Variants in OCA2 observed in about 807,000 individuals in gnomAD.
OCA2 encodes the protein OCA2 melanosomal transmembrane protein, also known as P protein.
A neutral mutation model predicts 100.2 loss-of-function variants in OCA2; 77 were observed. That is an observed-to-expected ratio of 0.77 (90% CI 0.64 to 0.93). The LOEUF (loss-of-function observed/expected upper bound fraction) is 0.93, where lower values mean the gene tolerates loss of function less well. Ranked by LOEUF, OCA2 falls within the 40% of genes least tolerant of loss-of-function variation. The probability of loss-of-function intolerance (pLI) is 0.00; values close to 1 mark genes in which losing one functional copy is unlikely to be tolerated. For synonymous variants in OCA2, 432 were observed against 439.2 expected (o/e 0.98, Z 0.21); for missense variants, 1,062 against 1,089.1 (o/e 0.98, Z 0.35).
the OCA2 span, among the ~76,000 whole-genome samples, chr15:27,739,422 A>G: frequency 6.8e-6 from 1 of 147,818 alleles, no homozygotes; most frequent in African/African-American, 2.5e-5. Flanking sequence ...TACCAATGAT[A>G]ATATTAATAA....
At chr15:27,896,335 A>G (rs1200437973) in intron 19 of OCA2, 1 of 806,806 alleles carries the variant, frequency 1.2e-6, no homozygotes, top group East Asian at 2.4e-5. Flanking sequence ...ATGGAGGAAG[A>G]TGAAGATGCT....
At chr15:27,931,026 T>G (rs538598324) in intron 18 of OCA2, among the ~76,000 whole-genome samples, 1 of 152,298 alleles carries the variant, frequency 6.6e-6, no homozygotes, top group Non-Finnish European at 1.5e-5. Flanking sequence ...ACTTTCATTA[T>G]AAGCACTACA....
the OCA2 span, among the ~76,000 whole-genome samples, chr15:27,720,893 CAAAG>C: frequency 2.0e-5 from 3 of 152,092 alleles, no homozygotes; most frequent in Non-Finnish European, 4.4e-5. Flanking sequence ...ATTTACTTCC[CAAAG>C]AAAGGAGCAT....
At chr15:27,950,018 G>A (rs2039978474) in intron 18 of OCA2, among the ~76,000 whole-genome samples, 1 of 152,124 alleles carries the variant, frequency 6.6e-6, no homozygotes, top group African/African-American at 2.4e-5. Flanking sequence ...AAAAGGAGAT[G>A]AGACATTTTG....
chr15:27,740,787 G>A, the OCA2 span, among the ~76,000 whole-genome samples: 12 of 152,240 alleles, frequency 7.9e-5, no homozygotes, highest in East Asian at 5.8e-4. Context: ...AGGCTGGGTC[G>A]GCCGAGCCCA....
intron 2 of OCA2, among the ~76,000 whole-genome samples, chr15:28,054,434 G>A (rs765800424): frequency 2.0e-5 from 3 of 152,136 alleles, no homozygotes; most frequent in African/African-American, 4.8e-5. Context: ...TGGCCAAGAG[G>A]AGCCCCACCT....
the OCA2 span, among the ~76,000 whole-genome samples, chr15:27,730,934 T>A: frequency 2.6e-4 from 39 of 152,004 alleles, 1 homozygote; most frequent in African/African-American, 8.9e-4. Context: ...GATCAACTAA[T>A]TCTAAAGCCT....
chr15:27,910,510 A>C (rs2038348541), intron 19 of OCA2, among the ~76,000 whole-genome samples: 1 of 152,210 alleles, frequency 6.6e-6, no homozygotes, highest in South Asian at 2.1e-4. Context: ...AGAATTGGGA[A>C]GATTTCTGTG....
chr15:27,850,510 C>A (rs1441829324), intron 22 of OCA2, among the ~76,000 whole-genome samples: 1 of 151,980 alleles, frequency 6.6e-6, no homozygotes, highest in Non-Finnish European at 1.5e-5. Context: ...GCAATTTCAG[C>A]ACTCAATTTC....
At chr15:27,941,223 G>T (rs952338713) in intron 18 of OCA2, among the ~76,000 whole-genome samples, 13 of 152,248 alleles carry the variant, frequency 8.5e-5, no homozygotes, top group African/African-American at 2.9e-4. Flanking sequence ...TGAAAAAATT[G>T]TAAGTAGTAA....
At chr15:27,755,573 T>C (rs1175394521) in intron 23 of OCA2, 101 bp from the exon 24 acceptor site, 3 of 866,312 alleles carry the variant, frequency 3.5e-6, no homozygotes, top group Non-Finnish European at 5.8e-6. Flanking sequence ...CACCTTTGCA[T>C]TTTCACAATG....
the OCA2 span, among the ~76,000 whole-genome samples, chr15:27,728,768 C>A: frequency 1.3e-5 from 2 of 152,174 alleles, no homozygotes; most frequent in African/African-American, 4.8e-5. Context: ...GTCAAAGAGC[C>A]TTTTGTGTGA....
intron 9 of OCA2, among the ~76,000 whole-genome samples, chr15:28,011,350 C>A (rs1291409458): frequency 1.3e-5 from 2 of 152,104 alleles, no homozygotes; most frequent in Non-Finnish European, 2.9e-5. Context: ...TGCCTGTAGT[C>A]CCAGCTACTC....
intron 6 of OCA2, among the ~76,000 whole-genome samples, chr15:28,019,958 G>C (rs945864105): frequency 6.6e-6 from 1 of 152,168 alleles, no homozygotes; most frequent in Non-Finnish European, 1.5e-5. Context: ...CAAGGAGCCT[G>C]CTGGAGGCTC....
At chr15:27,883,577 C>T (rs901228687) in intron 19 of OCA2, among the ~76,000 whole-genome samples, 5 of 152,100 alleles carry the variant, frequency 3.3e-5, no homozygotes, top group African/African-American at 1.2e-4. Flanking sequence ...CTCATCAGGG[C>T]GAGGGAGATC....
At chr15:27,827,499 A>C (rs1271995876) in intron 23 of OCA2, among the ~76,000 whole-genome samples, 1 of 152,160 alleles carries the variant, frequency 6.6e-6, no homozygotes, top group Non-Finnish European at 1.5e-5. Flanking sequence ...CCAATGTGCA[A>C]GTCATCATAC....
intron 23 of OCA2, among the ~76,000 whole-genome samples, chr15:27,804,516 A>G (rs2033744505): frequency 6.6e-6 from 1 of 152,236 alleles, no homozygotes; most frequent in African/African-American, 2.4e-5. Context: ...GGAATATAAA[A>G]AGGGAATTGC....
At chr15:27,899,797 C>T (rs1231299479) in intron 19 of OCA2, among the ~76,000 whole-genome samples, 1 of 152,188 alleles carries the variant, frequency 6.6e-6, no homozygotes, top group African/African-American at 2.4e-5. Flanking sequence ...GCAGTATGTG[C>T]TTAAACAAAT....
chr15:27,859,522 A>G (rs1437172362), intron 21 of OCA2, among the ~76,000 whole-genome samples: 1 of 152,234 alleles, frequency 6.6e-6, no homozygotes, highest in African/African-American at 2.4e-5. Flanking sequence ...ACACTGAATC[A>G]GTAACCAAAA....
Sources: allele counts gnomAD v4.1 joint callset (sites outside exome capture counted in the v4.1 genomes callset), GRCh38; gene constraint gnomAD v4.1.1; transcripts MANE v1.5; gene names NCBI Gene and HGNC (gene_info 2026-07-23, HGNC 2026-07-21).